LDB2: variants seen among roughly 807,000 people sequenced by gnomAD.
LDB2 encodes the protein LIM domain binding 2.
Under a neutral mutation model 44.3 loss-of-function variants are expected in LDB2, and 12 were observed. The observed-to-expected ratio is 0.27, with a 90% CI of 0.17 to 0.44. The LOEUF (loss-of-function observed/expected upper bound fraction) is 0.44. Among genes scored for constraint, LDB2 ranks in the 20% least tolerant of loss-of-function variants. LDB2 has a pLI of 1.00. For synonymous variants in LDB2, 164 were observed against 174.8 expected (o/e 0.94, Z 0.49); for missense variants, 344 against 473.5 (o/e 0.73, Z 2.54).
At chr4:16,782,389 C>T (rs1249761900) in intron 1 of LDB2, among the ~76,000 whole-genome samples, 2 of 147,964 alleles carry the variant, frequency 1.4e-5, no homozygotes, top group Non-Finnish European at 3.0e-5. Flanking sequence ...CTTGCTCTGT[C>T]TCCCAGGCTG....
intron 5 of LDB2, among the ~76,000 whole-genome samples, chr4:16,582,000 G>GGGAAGGAAGGGAAGGGAAGGAAGGAA (rs1553912526): frequency 1.9e-5 from 2 of 103,818 alleles, no homozygotes; most frequent in African/African-American, 6.9e-5. Context: ...AGGGAAGGAA[G>GGGAAGGAAGGGAAGGGAAGGAAGGAA]GGAAGGAAGG....
At chr4:16,768,845 A>G (rs1769961065) in intron 1 of LDB2, among the ~76,000 whole-genome samples, 1 of 152,162 alleles carries the variant, frequency 6.6e-6, no homozygotes, top group Non-Finnish European at 1.5e-5. Flanking sequence ...CTATAATATA[A>G]GTAGCATTAT....
chr4:16,558,580 C>G (rs944615504), intron 5 of LDB2, among the ~76,000 whole-genome samples: 2 of 152,198 alleles, frequency 1.3e-5, no homozygotes, highest in Non-Finnish European at 2.9e-5. Context: ...AAATCTACGT[C>G]TGATTGGTGT....
chr4:16,576,300 G>A (rs1711561629), intron 5 of LDB2, among the ~76,000 whole-genome samples: 1 of 151,306 alleles, frequency 6.6e-6, no homozygotes, highest in African/African-American at 2.4e-5. Context: ...AATGAAGGTT[G>A]GTTTTTTTGA....
At chr4:16,848,313 T>C (rs1189239356) in intron 1 of LDB2, among the ~76,000 whole-genome samples, 2 of 152,240 alleles carry the variant, frequency 1.3e-5, no homozygotes, top group Admixed American at 6.5e-5. Flanking sequence ...AGTCCATGTA[T>C]ATACACTATA....
At chr4:16,891,781 A>C (rs142373076) in intron 1 of LDB2, among the ~76,000 whole-genome samples, 4 of 152,314 alleles carry the variant, frequency 2.6e-5, no homozygotes, top group African/African-American at 9.6e-5. Context: ...ATCAATTTCC[A>C]AGCCACCTCC....
At chr4:16,614,861 G>A (rs1241418165) in intron 2 of LDB2, among the ~76,000 whole-genome samples, 1 of 150,842 alleles carries the variant, frequency 6.6e-6, no homozygotes, top group Non-Finnish European at 1.5e-5. Flanking sequence ...ATGAGGTCAG[G>A]AGATCGAGAC....
chr4:16,710,043 C>G (rs1755524841), intron 2 of LDB2, among the ~76,000 whole-genome samples: 1 of 152,172 alleles, frequency 6.6e-6, no homozygotes, highest in Admixed American at 6.5e-5. Context: ...TCCTTTGGCA[C>G]ATACACTACC....
At chr4:16,525,205 G>A (rs1727766695) in intron 5 of LDB2, among the ~76,000 whole-genome samples, 1 of 152,174 alleles carries the variant, frequency 6.6e-6, no homozygotes, top group African/African-American at 2.4e-5. Context: ...CCCTAAGGCT[G>A]CTGTTTGGGA....
At chr4:16,513,093 G>A (rs547591544) in intron 5 of LDB2, among the ~76,000 whole-genome samples, 145 of 152,266 alleles carry the variant, frequency 9.5e-4, no homozygotes, top group African/African-American at 3.3e-3. Flanking sequence ...AGTCTTCAGC[G>A]TCATCAGCCT....
At chr4:16,557,434 C>T (rs974428956) in intron 5 of LDB2, among the ~76,000 whole-genome samples, 29 of 152,200 alleles carry the variant, frequency 1.9e-4, no homozygotes, top group African/African-American at 5.5e-4. Flanking sequence ...GAGGGTCCTA[C>T]GCCCACGGAA....
At chr4:16,641,291 A>G (rs2152509929) in intron 2 of LDB2, among the ~76,000 whole-genome samples, 1 of 152,332 alleles carries the variant, frequency 6.6e-6, no homozygotes. Context: ...GAGGAACAGG[A>G]AATGAACCTA....
At chr4:16,669,771 G>A (rs10939683) in intron 2 of LDB2, among the ~76,000 whole-genome samples, 73,262 of 151,936 alleles carry the variant, frequency 0.48, 18,479 homozygotes, top group African/African-American at 0.64. Flanking sequence ...GTTCCATGGA[G>A]AGCTTAATGA....
At chr4:16,719,260 TAAA>T (rs1449986812) in intron 2 of LDB2, among the ~76,000 whole-genome samples, 1 of 152,138 alleles carries the variant, frequency 6.6e-6, no homozygotes, top group African/African-American at 2.4e-5. Context: ...CAGTAAAGGC[TAAA>T]ATAATTTAGC....
At chr4:16,697,708 C>G (rs929648874) in intron 2 of LDB2, among the ~76,000 whole-genome samples, 22 of 152,296 alleles carry the variant, frequency 1.4e-4, no homozygotes, top group African/African-American at 5.1e-4. Flanking sequence ...TCTCTCTGCT[C>G]TACAGGGAGG....
chr4:16,588,906 T>C, intron 3 of LDB2, 74 bp from the exon 4 acceptor site: 1 of 1,538,638 alleles, frequency 6.5e-7, no homozygotes, highest in Non-Finnish European at 8.9e-7. Context: ...ACATAGCCAC[T>C]CAGCGTGGTC....
chr4:16,691,391 C>T (rs553671809), intron 2 of LDB2, among the ~76,000 whole-genome samples: 11 of 152,262 alleles, frequency 7.2e-5, no homozygotes, highest in East Asian at 5.8e-4. Context: ...TTCACTGCAA[C>T]GATAATATTC....
chr4:16,769,583 A>C (rs1009061337), intron 1 of LDB2, among the ~76,000 whole-genome samples: 41 of 149,450 alleles, frequency 2.7e-4, no homozygotes, highest in African/African-American at 9.3e-4. Flanking sequence ...GGTGTGAGCC[A>C]CTGTGCCCAG....
At chr4:16,677,540 A>T (rs762567338) in intron 2 of LDB2, among the ~76,000 whole-genome samples, 1 of 152,204 alleles carries the variant, frequency 6.6e-6, no homozygotes, top group Non-Finnish European at 1.5e-5. Flanking sequence ...TCAACCTAGC[A>T]GCATTGGCTC....
Sources: gnomAD v4.1 joint callset for allele counts (sites outside exome capture counted in the v4.1 genomes callset) on GRCh38, gnomAD v4.1.1 for gene constraint, MANE v1.5 for transcripts, NCBI Gene and HGNC (gene_info 2026-07-23, HGNC 2026-07-21) for gene names.